FOXJ3: variants seen among roughly 807,000 people sequenced by gnomAD.
FOXJ3 encodes the protein forkhead box J3.
In FOXJ3, 22 loss-of-function variants were observed where a neutral mutation model predicts 76.1. That is an observed-to-expected ratio of 0.29 (90% CI 0.21 to 0.41). The LOEUF (loss-of-function observed/expected upper bound fraction) is 0.41. FOXJ3 is among the 10% of genes least tolerant of loss of function. FOXJ3 has a pLI of 1.00. For missense variants in FOXJ3, 613 were observed against 762.1 expected (o/e 0.80, Z 2.30); for synonymous variants, 269 against 261.2 (o/e 1.03, Z -0.29).
intron 2 of FOXJ3, among the ~76,000 whole-genome samples, chr1:42,281,411 T>C (rs1394274299): frequency 6.6e-6 from 1 of 152,018 alleles, no homozygotes; most frequent in Non-Finnish European, 1.5e-5. Context: ...AAGTGAAGAT[T>C]GACTTAGCTG....
intron 4 of FOXJ3, among the ~76,000 whole-genome samples, chr1:42,258,036 A>G (rs539957861): frequency 1.3e-5 from 2 of 152,320 alleles, no homozygotes; most frequent in East Asian, 3.9e-4. Flanking sequence ...TCCCTGTCAT[A>G]AATAGCTAAA....
chr1:42,208,506 C>T (rs1318155564), intron 5 of FOXJ3, among the ~76,000 whole-genome samples: 2 of 152,070 alleles, frequency 1.3e-5, no homozygotes, highest in East Asian at 1.9e-4. Flanking sequence ...ATGACAAAAA[C>T]GCTCAACAAA....
intron 5 of FOXJ3, among the ~76,000 whole-genome samples, chr1:42,219,579 T>G (rs1033847857): frequency 2.0e-5 from 3 of 152,302 alleles, no homozygotes; most frequent in South Asian, 2.1e-4. Flanking sequence ...GCTTACTATG[T>G]AAAAACATGG....
At chr1:42,243,383 A>T (rs1041079506) in intron 4 of FOXJ3, among the ~76,000 whole-genome samples, 5 of 152,238 alleles carry the variant, frequency 3.3e-5, no homozygotes, top group African/African-American at 1.2e-4. Flanking sequence ...GAAAATAATT[A>T]ACAGAATGAC....
intron 4 of FOXJ3, among the ~76,000 whole-genome samples, chr1:42,239,122 T>C (rs1459368529): frequency 6.6e-6 from 1 of 152,260 alleles, no homozygotes; most frequent in East Asian, 1.9e-4. Flanking sequence ...TGATCTTGTA[T>C]CCTGTAACCT....
chr1:42,205,703 A>G lies in FOXJ3; in HGVS notation c.630+59T>C. 3 of 966,594 alleles carry G rather than the reference A, an allele frequency of 3.1e-6. No homozygotes were observed. The South Asian group carries it at 4.1e-5, about 13-fold the overall frequency. 59.9% of individuals were successfully genotyped at this position (966,594 alleles called of 1,614,324 possible). On this transcript the variant is annotated intron_variant, in intron 6 of 12. Transcript: ENST00000361346. Reference sequence around the variant, plus strand: ...ATATAGGATTCTATCATTATTACAAAGGCAAATTAAATGTACTACTCAATG... The same window carrying G: ...ATATAGGATTCTATCATTATTACAAGGGCAAATTAAATGTACTACTCAATG...
chr1:42,232,258 A>G (rs1648208107), intron 4 of FOXJ3, among the ~76,000 whole-genome samples: 1 of 148,480 alleles, frequency 6.7e-6, no homozygotes, highest in East Asian at 2.0e-4. Flanking sequence ...CAATAAACAT[A>G]CGTGTGCATG....
At chr1:42,254,051 C>T (rs1265815282) in intron 4 of FOXJ3, among the ~76,000 whole-genome samples, 1 of 151,710 alleles carries the variant, frequency 6.6e-6, no homozygotes, top group Admixed American at 6.6e-5. Flanking sequence ...AGAAAATTTT[C>T]ACAACCTACT....
chr1:42,289,132 AC>A (rs1192905024), intron 2 of FOXJ3, among the ~76,000 whole-genome samples: 1 of 151,894 alleles, frequency 6.6e-6, no homozygotes, highest in Admixed American at 6.6e-5. Flanking sequence ...AATAAGCAAC[AC>A]TGATCTTCAG....
chr1:42,256,886 A>G (rs1445561323), intron 4 of FOXJ3, among the ~76,000 whole-genome samples: 1 of 152,266 alleles, frequency 6.6e-6, no homozygotes. Context: ...CCACTTAACA[A>G]TAAGAAACAA....
chr1:42,223,669 C>A (rs1647322900), intron 5 of FOXJ3, among the ~76,000 whole-genome samples: 1 of 152,164 alleles, frequency 6.6e-6, no homozygotes, highest in South Asian at 2.1e-4. Context: ...GTTGGTCTAC[C>A]AAATTCATTA....
chr1:42,206,239 C>T (rs1041907794), intron 5 of FOXJ3, among the ~76,000 whole-genome samples: 4 of 152,184 alleles, frequency 2.6e-5, no homozygotes, highest in Non-Finnish European at 5.9e-5. Context: ...TTTCTAGATT[C>T]CTGAGAAGCT....
rs749903383 is a variant in FOXJ3 at position 42,227,931 on chromosome 1, T to C, written c.480A>G (p.Glu160=). The C allele has an allele frequency of 6.3e-7, 1 of 1,577,216 alleles. No homozygotes were observed. The highest frequency in any genetic ancestry group is 8.7e-7 in the Non-Finnish European group (1 of 1,153,906). ...SYWAIDTNPK[E]DVLPTRPKKR... ...TCTTTGGCCGAGTAGGCAGCACATC[T>C]TCCTTCGGATTGGTGTCTATTGCCC... The change falls in exon 5 of 13, where the codon GAA becomes GAG. Residue 160 remains glutamate (E), a synonymous_variant. Coordinates refer to ENST00000361346, the MANE Select transcript of FOXJ3 (RefSeq NM_014947.5).
At chr1:42,198,990 T>A (rs1646706838) in intron 7 of FOXJ3, 112 bp downstream of exon 7, 2 of 806,434 alleles carry the variant, frequency 2.5e-6, no homozygotes, top group Non-Finnish European at 3.9e-6. Flanking sequence ...TTAATAAATT[T>A]ATTAGTGAGA....
chr1:42,222,645 T>A (rs1647261240), intron 5 of FOXJ3, among the ~76,000 whole-genome samples: 1 of 152,198 alleles, frequency 6.6e-6, no homozygotes, highest in African/African-American at 2.4e-5. Flanking sequence ...CAAAATTAAC[T>A]ACTGTGTTCC....
chr1:42,321,967 T>A (rs1041503074), intron 1 of FOXJ3, among the ~76,000 whole-genome samples: 1 of 152,194 alleles, frequency 6.6e-6, no homozygotes, highest in African/African-American at 2.4e-5. Flanking sequence ...CATCTGTCCC[T>A]ACCACTGGAA....
intron 7 of FOXJ3, among the ~76,000 whole-genome samples, chr1:42,197,922 G>C (rs1280995535): frequency 6.6e-6 from 1 of 152,028 alleles, no homozygotes; most frequent in Non-Finnish European, 1.5e-5. Context: ...ACAGGTATGA[G>C]CCACCTCATT....
chr1:42,207,013 TAG>T (rs1378784143), intron 5 of FOXJ3, among the ~76,000 whole-genome samples: 2 of 152,068 alleles, frequency 1.3e-5, no homozygotes, highest in Non-Finnish European at 2.9e-5. Flanking sequence ...GTACTTTTAG[TAG>T]AGACAGGGTT....
At chr1:42,264,688 A>T (rs1278036709) in intron 4 of FOXJ3, among the ~76,000 whole-genome samples, 1 of 152,170 alleles carries the variant, frequency 6.6e-6, no homozygotes, top group Non-Finnish European at 1.5e-5. Context: ...GTCAGGAGAT[A>T]AGAAGAGTCA....
Sources: allele counts gnomAD v4.1 joint callset (sites outside exome capture counted in the v4.1 genomes callset), GRCh38; gene constraint gnomAD v4.1.1; transcripts MANE v1.5; gene names NCBI Gene and HGNC (gene_info 2026-07-23, HGNC 2026-07-21).